PSD3: variants seen among roughly 807,000 people sequenced by gnomAD.
The protein encoded by PSD3 is PH and SEC7 domain-containing protein 3.
In PSD3, 49 loss-of-function variants were observed where a neutral mutation model predicts 105.5. That is an observed-to-expected ratio of 0.46 (90% CI 0.37 to 0.59). The LOEUF is 0.59. PSD3 is among the 20% of genes least tolerant of loss of function. PSD3 has a pLI of 0.00. For missense variants in PSD3, 1,561 were observed against 1,263.8 expected (o/e 1.24, Z -3.57); for synonymous variants, 557 against 457.8 (o/e 1.22, Z -2.77).
chr8:18,605,649 T>A (rs1804773322), intron 11 of PSD3, among the ~76,000 whole-genome samples: 1 of 152,086 alleles, frequency 6.6e-6, no homozygotes, highest in African/African-American at 2.4e-5. Context: ...AATGATATGG[T>A]TTAGATCTGT....
At chr8:18,746,990 T>C (rs1805085341) in intron 9 of PSD3, among the ~76,000 whole-genome samples, 1 of 152,224 alleles carries the variant, frequency 6.6e-6, no homozygotes, top group African/African-American at 2.4e-5. Context: ...TGTGCCTGCT[T>C]GCTCTCTCTC....
chr8:19,012,006 G>A (rs1261674562), intron 1 of PSD3, among the ~76,000 whole-genome samples: 2 of 152,180 alleles, frequency 1.3e-5, no homozygotes, highest in African/African-American at 4.8e-5. Context: ...AGAAGGCTCT[G>A]AAAGAGCATC....
intron 12 of PSD3, among the ~76,000 whole-genome samples, chr8:18,576,617 T>C (rs1169646388): frequency 6.6e-6 from 1 of 152,036 alleles, no homozygotes; most frequent in East Asian, 1.9e-4. Flanking sequence ...TTCATCAGAG[T>C]AGGAATTTCA....
intron 9 of PSD3, among the ~76,000 whole-genome samples, chr8:18,668,255 T>G (rs1175133448): frequency 6.6e-6 from 1 of 152,352 alleles, no homozygotes; most frequent in African/African-American, 2.4e-5. Flanking sequence ...TCACTGTGAT[T>G]AGAAATTGTA....
chr8:18,658,978 AAAC>A (rs1809107736), intron 9 of PSD3, among the ~76,000 whole-genome samples: 1 of 152,130 alleles, frequency 6.6e-6, no homozygotes, highest in Non-Finnish European at 1.5e-5. Context: ...TAACAACAAC[AAAC>A]TAGTTATTTC....
At chr8:18,799,651 T>C (rs1431639313) in intron 7 of PSD3, among the ~76,000 whole-genome samples, 1 of 152,198 alleles carries the variant, frequency 6.6e-6, no homozygotes, top group Non-Finnish European at 1.5e-5. Flanking sequence ...TCTAGGGCTT[T>C]GCACTACAGC....
chr8:18,745,959 G>A (rs141590987), intron 9 of PSD3, among the ~76,000 whole-genome samples: 168 of 152,314 alleles, frequency 1.1e-3, no homozygotes, highest in African/African-American at 3.8e-3. Context: ...TAATGATAGA[G>A]GCAGACAAAT....
Position 18,645,210 on chromosome 8 carries a change from G to T in PSD3, c.2216+10432C>A, listed in dbSNP as rs79447336. Among the ~76,000 whole-genome samples the T allele has an allele frequency of 5.0e-3, 764 of 152,206 alleles. 8 individuals carry two copies. Among genetic ancestry groups the T allele is most frequent in the African/African-American group, 0.017 (697 of 41,528 alleles). On this transcript the variant is annotated intron_variant, in intron 10 of 15. Transcript: ENST00000327040. ...TAAGTTTCTAGCACATGAACTCTGGGGACATGCTGACACCATAGCAAGAGT... is the reference window on the plus strand; with the variant it reads ...TAAGTTTCTAGCACATGAACTCTGGTGACATGCTGACACCATAGCAAGAGT...
chr8:19,025,086 T>A lies in PSD3; in HGVS notation c.324+59120A>T, dbSNP rs926338033. ...AAGAGCTGCATATACTAGGGACCAA[T>A]AAGACCCTGAAAAGCAGGATGAGGG... On this transcript the variant is annotated intron_variant, in intron 1 of 1. Coordinates refer to the PSD3 transcript ENST00000521475. Among the ~76,000 whole-genome samples, 8 of 151,994 alleles carry A rather than the reference T, an allele frequency of 5.3e-5. No individual in the cohort carries two copies. The East Asian group carries it at 1.4e-3, about 26-fold the overall frequency.
At chr8:18,828,633 T>A (rs1479589583) in intron 4 of PSD3, among the ~76,000 whole-genome samples, 1 of 151,970 alleles carries the variant, frequency 6.6e-6, no homozygotes, top group Non-Finnish European at 1.5e-5. Context: ...GACTCCCATC[T>A]CTACCAATCA....
chr8:19,077,967 A>T (rs1260303605), intron 1 of PSD3, among the ~76,000 whole-genome samples: 1 of 152,138 alleles, frequency 6.6e-6, no homozygotes, highest in African/African-American at 2.4e-5. Context: ...TTACCATACA[A>T]CCTGCTTTCA....
At chr8:18,612,933 T>G (rs935531903) in intron 11 of PSD3, among the ~76,000 whole-genome samples, 1 of 151,660 alleles carries the variant, frequency 6.6e-6, no homozygotes, top group Non-Finnish European at 1.5e-5. Flanking sequence ...CTTTCCCCAC[T>G]TGGCCAGGAG....
Position 18,872,250 on chromosome 8 carries a change from G to C in PSD3, c.614C>G (p.Thr205Arg). 1 of 1,614,156 alleles carries C rather than the reference G, an allele frequency of 6.2e-7. No individual in the cohort carries two copies. Among genetic ancestry groups the C allele is most frequent in the Non-Finnish European group, 8.5e-7 (1 of 1,180,032 alleles). ...GATGCTCAAATAAAAACTTTCCTCC[G>C]TTGTTACTTCAGCTGAAAGAGGTAT... Reference protein sequence around the residue: ...PEIPLSAEVTTEESFYLSIQK... With the variant: ...PEIPLSAEVTREESFYLSIQK... Residue 205 changes from threonine (T) to arginine (R), a missense_variant, in exon 3 of 16, where the codon ACG becomes AGG. By Grantham distance (71) the Thr-to-Arg change is moderately conservative (BLOSUM62 -1). Transcript: ENST00000327040.
At chr8:18,942,934 G>A (rs1486558860) in intron 1 of PSD3, among the ~76,000 whole-genome samples, 1 of 152,164 alleles carries the variant, frequency 6.6e-6, no homozygotes, top group Non-Finnish European at 1.5e-5. Flanking sequence ...ATAAGCAAAA[G>A]GGTCTGGATG....
chr8:18,674,868 G>C, intron 9 of PSD3, among the ~76,000 whole-genome samples: 1 of 152,062 alleles, frequency 6.6e-6, no homozygotes, highest in Non-Finnish European at 1.5e-5. Context: ...TATTAGCCTG[G>C]AGTGGTGACA....
At chr8:19,067,961 C>A (rs1047146943) in intron 1 of PSD3, among the ~76,000 whole-genome samples, 4 of 152,184 alleles carry the variant, frequency 2.6e-5, no homozygotes, top group African/African-American at 4.8e-5. Flanking sequence ...AAAATCCCTC[C>A]ATCAGTCAGG....
chr8:18,884,469 T>C (rs980498680), intron 2 of PSD3, among the ~76,000 whole-genome samples: 3 of 152,140 alleles, frequency 2.0e-5, no homozygotes, highest in African/African-American at 7.2e-5. Flanking sequence ...ACTAAATGAG[T>C]AATCTAAATA....
intron 11 of PSD3, among the ~76,000 whole-genome samples, chr8:18,603,420 A>C (rs926923943): frequency 6.6e-6 from 1 of 152,136 alleles, no homozygotes; most frequent in African/African-American, 2.4e-5. Context: ...ATTTTCAATT[A>C]CTTCTTGAAG....
intron 11 of PSD3, among the ~76,000 whole-genome samples, chr8:18,606,565 C>G (rs1411466255): frequency 6.6e-6 from 1 of 152,084 alleles, no homozygotes; most frequent in East Asian, 1.9e-4. Flanking sequence ...ATTTTTCTTT[C>G]CTTCTTTTTA....
Sources: allele counts gnomAD v4.1 joint callset (sites outside exome capture counted in the v4.1 genomes callset), GRCh38; gene constraint gnomAD v4.1.1; transcripts MANE v1.5; gene names NCBI Gene and HGNC (gene_info 2026-07-23, HGNC 2026-07-21).